The following UNC79 variants were observed in gnomAD, a reference collection of about 807,000 sequenced individuals.
UNC79 encodes the protein protein unc-79 homolog.
UNC79 carries 37 observed loss-of-function variants against 283.1 expected under a neutral mutation model. That is an observed-to-expected ratio of 0.13 (90% CI 0.10 to 0.17). The LOEUF is 0.17. Ranked by LOEUF, UNC79 falls within the 10% of genes least tolerant of loss-of-function variation. The pLI is 1.00. For synonymous variants in UNC79, 1,107 were observed against 1,200.2 expected (o/e 0.92, Z 1.61); for missense variants, 2,272 against 3,211.1 (o/e 0.71, Z 7.07).
At chr14:93,580,475 A>T (rs1246825179) in intron 19 of UNC79, 99 bp downstream of exon 19, 1 of 1,179,236 alleles carries the variant, frequency 8.5e-7, no homozygotes, top group Non-Finnish European at 1.2e-6. Flanking sequence ...CTTATACTCC[A>T]TGCTGGGTTA....
At chr14:93,613,942 G>C (rs1363434385) in intron 27 of UNC79, among the ~76,000 whole-genome samples, 2 of 149,722 alleles carry the variant, frequency 1.3e-5, no homozygotes, top group Non-Finnish European at 3.0e-5. Flanking sequence ...GTAAAGCCTT[G>C]TTTTCTCTGT....
Position 93,646,781 on chromosome 14 carries a change from G to A in UNC79, c.6083+135G>A, listed in dbSNP as rs576971101. ...TCTCAGCACTTTGGGAGGCCAGGGT[G>A]GGAGGATCACTCGAGCCCGGGAGTT... On this transcript the variant is annotated intron_variant, in intron 35 of 48. Coordinates refer to ENST00000555664, the Ensembl canonical transcript of UNC79. 9.5e-4 allele frequency: 829 copies of A among 870,294 alleles called. 1 individual carries two copies. Among genetic ancestry groups the A allele is most frequent in the Non-Finnish European group, 1.3e-3 (758 of 561,750 alleles). The allele number at this position is 870,294 out of a possible 1,614,324, so 53.9% of individuals were successfully genotyped here. A position where few individuals can be genotyped will look rare whatever the true frequency, so the allele number is the denominator to read the frequency against.
chr14:93,444,516 C>A (rs1057368040), intron 1 of UNC79, among the ~76,000 whole-genome samples: 1 of 152,042 alleles, frequency 6.6e-6, no homozygotes, highest in Non-Finnish European at 1.5e-5. Context: ...ACCAATGTCA[C>A]AAAGATTTTC....
chr14:93,706,814 C>G, exon 49 of UNC79: 1 of 1,614,200 alleles, frequency 6.2e-7, no homozygotes, highest in Non-Finnish European at 8.5e-7. Flanking sequence ...GCCTGGCAGC[C>G]CTCCGAAAGT....
At chr14:93,641,162 C>T in exon 33 of UNC79, 1 of 1,613,450 alleles carries the variant, frequency 6.2e-7, no homozygotes, top group Non-Finnish European at 8.5e-7. Context: ...CAAATCCAGC[C>T]TGCTATCAGC....
intron 1 of UNC79, among the ~76,000 whole-genome samples, chr14:93,414,519 T>A (rs2055409792): frequency 6.6e-6 from 1 of 152,206 alleles, no homozygotes; most frequent in South Asian, 2.1e-4. Flanking sequence ...GGCTCTTTTT[T>A]GGTGCCATAT....
In UNC79 at chr14:93,582,363, C is replaced by G. The variant is rs2063882073; in HGVS notation, c.2803+19C>G. The G allele has an allele frequency of 1.2e-6, 2 of 1,610,270 alleles. No individual in the cohort carries two copies. Among genetic ancestry groups the G allele is most frequent in the Non-Finnish European group, 1.7e-6 (2 of 1,178,342 alleles). On this transcript the variant is annotated intron_variant, in intron 20 of 48. Coordinates refer to ENST00000555664, the Ensembl canonical transcript of UNC79. ...CATGCTGGTAGGTGTGCACTGACTG[C>G]CGGGGAATGCGCCACGTGCACATGG...
At chr14:93,595,846 A>G (rs1002911334) in intron 23 of UNC79, among the ~76,000 whole-genome samples, 5 of 152,234 alleles carry the variant, frequency 3.3e-5, no homozygotes, top group Non-Finnish European at 5.9e-5. Flanking sequence ...TGAGGTCAAG[A>G]GTTATGAATG....
chr14:93,374,313 G>A (rs192147209), intron 1 of UNC79, among the ~76,000 whole-genome samples: 1 of 152,314 alleles, frequency 6.6e-6, no homozygotes, highest in African/African-American at 2.4e-5. Context: ...AGCCATAGGG[G>A]TAGAGTTACC....
intron 47 of UNC79, among the ~76,000 whole-genome samples, chr14:93,700,144 A>C (rs1319428761): frequency 1.3e-5 from 2 of 151,596 alleles, no homozygotes; most frequent in Non-Finnish European, 1.5e-5. Flanking sequence ...GTTTCCAACA[A>C]GAAATCTGTC....
At chr14:93,429,442 AT>A (rs1440465725), upstream of UNC79, among the ~76,000 whole-genome samples, 2 of 152,170 alleles carry the variant, frequency 1.3e-5, no homozygotes, top group African/African-American at 4.8e-5. Context: ...ATTTTTGCAA[AT>A]ACCATGAAAC....
chr14:93,501,317 C>G (rs944047569), intron 7 of UNC79, among the ~76,000 whole-genome samples: 1 of 151,710 alleles, frequency 6.6e-6, no homozygotes, highest in Non-Finnish European at 1.5e-5. Flanking sequence ...GACCAAGACT[C>G]CATCTCAAAA....
At chr14:93,359,417 C>T (rs7156507) in intron 1 of UNC79, among the ~76,000 whole-genome samples, 21,336 of 152,154 alleles carry the variant, frequency 0.14, 1,747 homozygotes, top group African/African-American at 0.22. Context: ...TGCTCTTCTC[C>T]GTATGTCAGA....
intron 1 of UNC79, among the ~76,000 whole-genome samples, chr14:93,364,781 G>T (rs2054296057): frequency 2.0e-5 from 3 of 151,762 alleles, no homozygotes; most frequent in Admixed American, 2.0e-4. Flanking sequence ...GGGCCTAAAG[G>T]TCCTGGGATT....
In UNC79 at chr14:93,479,172, TTTCCTTCCTTCCTTCCTTCC is replaced by T. The variant is rs140666949; in HGVS notation, c.619+1483_619+1502del. Among the ~76,000 whole-genome samples the T allele has an allele frequency of 4.6e-3, 552 of 120,640 alleles. 2 individuals are homozygous for T. Among genetic ancestry groups the T allele is most frequent in the Non-Finnish European group, 6.1e-3 (351 of 57,472 alleles). The allele number at this position is 120,640 out of a possible 152,430, so 79.1% of individuals were successfully genotyped here. ...TTTTGAAGCATAACAGATGAGGCTG[TTTCCTTCCTTCCTTCCTTCC>T]TTCCTTCCTTCCTTCCTTCCTTCCT... On this transcript the variant is annotated intron_variant, in intron 4 of 48. Transcript: ENST00000555664.
In UNC79 at chr14:93,474,020, G is replaced by T; in HGVS notation, c.144-69G>T. ...GGTGTTTTATTATTTGTTTTAGAGT[G>T]TCATTTCAATGTAATGTGCTGTTCT... On this transcript the variant is annotated intron_variant, in intron 2 of 48. Coordinates refer to ENST00000555664, the Ensembl canonical transcript of UNC79. The surrounding 1 kb of genome is among the most constrained non-coding windows in gnomAD (Gnocchi z 4.1). 1 of 1,444,604 alleles carries T rather than the reference G, an allele frequency of 6.9e-7. No individual in the cohort carries two copies. Among genetic ancestry groups the T allele is most frequent in the Non-Finnish European group, 9.1e-7 (1 of 1,098,300 alleles). 89.5% of individuals were successfully genotyped at this position (1,444,604 alleles called of 1,614,324 possible). A position where few individuals can be genotyped will look rare whatever the true frequency, so the allele number is the denominator to read the frequency against.
At chr14:93,563,753 T>C (rs567615183) in intron 14 of UNC79, among the ~76,000 whole-genome samples, 14 of 152,044 alleles carry the variant, frequency 9.2e-5, no homozygotes, top group Non-Finnish European at 1.8e-4. Context: ...CAGAGAGATA[T>C]AGTCATGGGG....
chr14:93,706,218 C>G (rs2141114610), intron 48 of UNC79, among the ~76,000 whole-genome samples: 1 of 152,260 alleles, frequency 6.6e-6, no homozygotes, highest in East Asian at 1.9e-4. Context: ...TTTTTTAACC[C>G]ATTTGTCCTA....
chr14:93,681,963 TG>T (rs2073879789), intron 41 of UNC79, among the ~76,000 whole-genome samples: 1 of 152,222 alleles, frequency 6.6e-6, no homozygotes, highest in Non-Finnish European at 1.5e-5. Context: ...AAGCTAGTGC[TG>T]GGGATGAGGT....
Sources: gnomAD v4.1 joint callset for allele counts (sites outside exome capture counted in the v4.1 genomes callset) on GRCh38, gnomAD v4.1.1 for gene constraint, Gnocchi (gnomAD v3.1) non-coding constraint, MANE v1.5 for transcripts, NCBI Gene and HGNC (gene_info 2026-07-23, HGNC 2026-07-21) for gene names.